The following MAP7 variants were observed in gnomAD, a reference collection of about 807,000 sequenced individuals.
MAP7 encodes ensconsin.
In MAP7, 52 loss-of-function variants were observed where a neutral mutation model predicts 94.8. That is an observed-to-expected ratio of 0.55 (90% CI 0.44 to 0.69). The LOEUF (loss-of-function observed/expected upper bound fraction) is 0.69, where lower values mean the gene tolerates loss of function less well. Ranked by LOEUF, MAP7 falls within the 30% of genes least tolerant of loss-of-function variation. The pLI is 0.00. For synonymous variants in MAP7, 350 were observed against 357.0 expected (o/e 0.98, Z 0.22); for missense variants, 940 against 964.6 (o/e 0.97, Z 0.34).
chr6:136,457,733 G>T (rs1404985639), intron 1 of MAP7, among the ~76,000 whole-genome samples: 3 of 151,888 alleles, frequency 2.0e-5, no homozygotes, highest in Non-Finnish European at 1.5e-5. Flanking sequence ...TACAGAAAAA[G>T]AAATTGACAA....
chr6:136,509,801 C>A (rs2129028293), intron 1 of MAP7, among the ~76,000 whole-genome samples: 1 of 152,324 alleles, frequency 6.6e-6, no homozygotes, highest in African/African-American at 2.4e-5. Flanking sequence ...AAGAGGTCCT[C>A]CTGCCTCTGC....
intron 1 of MAP7, among the ~76,000 whole-genome samples, chr6:136,533,225 T>C (rs546147761): frequency 2.6e-5 from 4 of 152,276 alleles, no homozygotes; most frequent in African/African-American, 7.2e-5. Flanking sequence ...TCAGCCGAGA[T>C]TGGGCCATTG....
intron 1 of MAP7, among the ~76,000 whole-genome samples, chr6:136,546,780 G>A (rs769862491): frequency 7.2e-5 from 11 of 152,142 alleles, no homozygotes; most frequent in Non-Finnish European, 1.5e-4. Context: ...TACGAGGCCC[G>A]AGTTTTTAAA....
At chr6:136,425,515 T>G (rs1458757315) in intron 1 of MAP7, among the ~76,000 whole-genome samples, 3 of 152,180 alleles carry the variant, frequency 2.0e-5, no homozygotes, top group East Asian at 3.8e-4. Flanking sequence ...TAAATCTGTA[T>G]AGAAAAGAGT....
chr6:136,383,664 A>C lies in MAP7; in HGVS notation c.637+7T>G. ...CAGACACTTTTTTGTTTTCCTTTGG[A>C]CTGTACCTCTATCTGGAGAATTTAG... On this transcript the variant is annotated splice_region_variant and intron_variant, in intron 6 of 17. Transcript: ENST00000354570. 1 of 1,524,438 alleles carries C rather than the reference A, an allele frequency of 6.6e-7. No homozygotes were observed. The highest frequency in any genetic ancestry group is 9.0e-7 in the Non-Finnish European group (1 of 1,105,512). The allele number at this position is 1,524,438 out of a possible 1,614,324, so 94.4% of individuals were successfully genotyped here.
intron 11 of MAP7, 123 bp downstream of exon 11, chr6:136,362,327 T>G: frequency 7.9e-7 from 1 of 1,273,214 alleles, no homozygotes; most frequent in East Asian, 2.3e-5. Flanking sequence ...TAGGTAAGAG[T>G]AATCCTGAAA....
intron 1 of MAP7, among the ~76,000 whole-genome samples, chr6:136,519,946 C>A (rs1583129403): frequency 2.0e-5 from 3 of 152,182 alleles, no homozygotes; most frequent in South Asian, 2.1e-4. Flanking sequence ...CTCCTGCAAT[C>A]CCAGCACTTT....
At chr6:136,524,147 G>A (rs1439772331) in intron 1 of MAP7, among the ~76,000 whole-genome samples, 1 of 152,122 alleles carries the variant, frequency 6.6e-6, no homozygotes, top group Non-Finnish European at 1.5e-5. Context: ...AGGAGGCTGA[G>A]GCAGGAGAAT....
chr6:136,501,785 C>G (rs980570661), intron 1 of MAP7, among the ~76,000 whole-genome samples: 23 of 152,282 alleles, frequency 1.5e-4, no homozygotes, highest in African/African-American at 4.8e-4. Context: ...ACATGCAGCT[C>G]TCAGATAAGG....
In MAP7 at chr6:136,424,329, A is replaced by T. The variant is rs201152670; in HGVS notation, c.68-2530T>A. On this transcript the variant is annotated intron_variant, in intron 1 of 17. Transcript: ENST00000354570. Reference sequence around the variant, plus strand: ...ATTTGAATCTCTCTTCTTTCATTTAAAAAAAAAAAAAAAAGAAAATTAAGC... The same window carrying T: ...ATTTGAATCTCTCTTCTTTCATTTATAAAAAAAAAAAAAAGAAAATTAAGC... Among the ~76,000 whole-genome samples the T allele has an allele frequency of 0.036, 186 of 5,238 alleles. 6 individuals are homozygous for T. In the East Asian group the frequency reaches 0.36, roughly 10 times the overall value. The allele number at this position is 5,238 out of a possible 152,430, so 3.4% of individuals were successfully genotyped here. A position where few individuals can be genotyped will look rare whatever the true frequency, so the allele number is the denominator to read the frequency against.
At chr6:136,536,857 T>A (rs1422193016) in intron 1 of MAP7, among the ~76,000 whole-genome samples, 1 of 152,226 alleles carries the variant, frequency 6.6e-6, no homozygotes, top group Non-Finnish European at 1.5e-5. Flanking sequence ...AACCCTGTGC[T>A]ATGGTAAGAA....
intron 1 of MAP7, among the ~76,000 whole-genome samples, chr6:136,450,000 A>G (rs75581045): frequency 0.016 from 2,416 of 152,244 alleles, 84 homozygotes; most frequent in East Asian, 0.14. Flanking sequence ...ACCAGCCTAG[A>G]CCAACATGGC....
At chr6:136,534,099 A>AT (rs1480787484) in intron 1 of MAP7, among the ~76,000 whole-genome samples, 2 of 152,180 alleles carry the variant, frequency 1.3e-5, no homozygotes, top group Non-Finnish European at 2.9e-5. Context: ...AAAACTGTTA[A>AT]TTTTCTTCTT....
chr6:136,471,141 T>C (rs1808840985), intron 1 of MAP7, among the ~76,000 whole-genome samples: 2 of 152,242 alleles, frequency 1.3e-5, no homozygotes, highest in African/African-American at 4.8e-5. Flanking sequence ...TAAAGAAGTT[T>C]GTGCTTTTTT....
At chr6:136,381,150 TG>T (rs1777618103) in intron 6 of MAP7, among the ~76,000 whole-genome samples, 1 of 152,218 alleles carries the variant, frequency 6.6e-6, no homozygotes, top group African/African-American at 2.4e-5. Context: ...AAAGAACTAA[TG>T]GAATTACTTA....
chr6:136,380,143 T>C (rs1190044602), intron 6 of MAP7, among the ~76,000 whole-genome samples: 2 of 152,176 alleles, frequency 1.3e-5, no homozygotes, highest in South Asian at 4.1e-4. Flanking sequence ...AATTGAGATA[T>C]TGACAATTTC....
chr6:136,404,385 G>A (rs1785004267), intron 3 of MAP7, among the ~76,000 whole-genome samples: 1 of 148,426 alleles, frequency 6.7e-6, no homozygotes, highest in Non-Finnish European at 1.5e-5. Flanking sequence ...GAAGCCCGAT[G>A]AAATTATCTA....
chr6:136,483,805 A>G (rs1813715886), intron 1 of MAP7, among the ~76,000 whole-genome samples: 1 of 152,230 alleles, frequency 6.6e-6, no homozygotes, highest in Non-Finnish European at 1.5e-5. Context: ...TAAACTTCAG[A>G]GGAAATAGGA....
intron 1 of MAP7, among the ~76,000 whole-genome samples, chr6:136,435,056 C>G (rs1796013077): frequency 6.6e-6 from 1 of 152,200 alleles, no homozygotes; most frequent in Admixed American, 6.5e-5. Context: ...TAACACTAAG[C>G]TGACAAATAG....
Sources: allele counts gnomAD v4.1 joint callset (sites outside exome capture counted in the v4.1 genomes callset), GRCh38; gene constraint gnomAD v4.1.1; transcripts MANE v1.5; gene names NCBI Gene and HGNC (gene_info 2026-07-23, HGNC 2026-07-21).